The following RAG1 variants were observed in gnomAD, a reference collection of about 807,000 sequenced individuals.
The protein encoded by RAG1 is recombination activating 1, also known as V(D)J recombination-activating protein 1.
A neutral mutation model predicts 62.7 loss-of-function variants in RAG1; 35 were observed. That is an observed-to-expected ratio of 0.56 (90% CI 0.43 to 0.74). The LOEUF (loss-of-function observed/expected upper bound fraction) is 0.74. Ranked by LOEUF, RAG1 falls within the 30% of genes least tolerant of loss-of-function variation. RAG1 has a pLI of 0.00. For missense variants in RAG1, 1,169 were observed against 1,278.6 expected (o/e 0.91, Z 1.31); for synonymous variants, 461 against 470.3 (o/e 0.98, Z 0.26).
Position 36,575,554 on chromosome 11 carries a change from C to A in RAG1, c.2250C>A (p.Thr750=), listed in dbSNP as rs751115703. The stretch of plus-strand genomic sequence containing the variant: ...AAAATCTTGTCTTCCACTCTATAAC[C>A]AGAAGCCATGCTGAGAACCTGGAAC... ...ASQNLVFHSI[T]RSHAENLERY... Residue 750 remains threonine, a synonymous_variant, in exon 2 of 2, where the codon ACC becomes ACA. Transcript: ENST00000299440. The surrounding 1 kb of genome is among the most constrained non-coding windows in gnomAD (Gnocchi z 4.1). The A allele has an allele frequency of 2.5e-6, 4 of 1,614,202 alleles. No individual in the cohort carries two copies. The highest frequency in any genetic ancestry group is 1.1e-5 in the South Asian group (1 of 91,082).
chr11:36,566,166 C>T (rs1426033366), upstream of RAG1, among the ~76,000 whole-genome samples: 1 of 151,964 alleles, frequency 6.6e-6, no homozygotes, highest in African/African-American at 2.4e-5. Context: ...TCCATTTGAC[C>T]AGCTTACTTT....
At chr11:36,561,006 C>T (rs1252279881) in intron 3 of RAG1, among the ~76,000 whole-genome samples, 1 of 152,174 alleles carries the variant, frequency 6.6e-6, no homozygotes, top group Admixed American at 6.5e-5. Flanking sequence ...TCTAGGCAGC[C>T]ATCTTGTTGA....
At chr11:36,544,339 G>A (rs369049769) in intron 3 of RAG1, among the ~76,000 whole-genome samples, 20 of 152,292 alleles carry the variant, frequency 1.3e-4, no homozygotes, top group African/African-American at 4.3e-4. Flanking sequence ...GATTGGAGTG[G>A]TGTAGCCACT....
intron 1 of RAG1, among the ~76,000 whole-genome samples, chr11:36,568,655 T>C (rs1850694235): frequency 6.6e-6 from 1 of 152,238 alleles, no homozygotes; most frequent in South Asian, 2.1e-4. Flanking sequence ...CCAGACTCTT[T>C]GGGACCTGAT....
At chr11:36,543,017 T>C (rs1850332552) in intron 3 of RAG1, among the ~76,000 whole-genome samples, 1 of 152,208 alleles carries the variant, frequency 6.6e-6, no homozygotes, top group Admixed American at 6.5e-5. Flanking sequence ...AATCAGTGCC[T>C]CGTTTTCTCT....
chr11:36,532,815 G>C (rs949208488), intron 2 of RAG1, among the ~76,000 whole-genome samples: 7 of 152,082 alleles, frequency 4.6e-5, no homozygotes, highest in African/African-American at 1.4e-4. Flanking sequence ...GAGAGAGAGA[G>C]AGACAGACAG....
At chr11:36,517,253 A>AT (rs1860008680) in intron 1 of RAG1, among the ~76,000 whole-genome samples, 1 of 152,240 alleles carries the variant, frequency 6.6e-6, no homozygotes, top group African/African-American at 2.4e-5. Context: ...ATTTTCAATA[A>AT]TTGCATATTT....
downstream of RAG1, among the ~76,000 whole-genome samples, chr11:36,540,879 G>T (rs892256625): frequency 3.3e-5 from 5 of 151,982 alleles, no homozygotes; most frequent in South Asian, 2.1e-4. Context: ...ACAGTTCATT[G>T]GTTTAAATCC....
At chr11:36,547,270 A>T (rs888981309) in intron 3 of RAG1, among the ~76,000 whole-genome samples, 2 of 152,202 alleles carry the variant, frequency 1.3e-5, no homozygotes, top group East Asian at 3.8e-4. Context: ...ACAAGAAATA[A>T]CTAAGATCAG....
chr11:36,512,336 C>T (rs1359807164), intron 1 of RAG1, among the ~76,000 whole-genome samples: 2 of 152,208 alleles, frequency 1.3e-5, no homozygotes, highest in Non-Finnish European at 2.9e-5. Context: ...GTATGAAGGG[C>T]AGTTGCCTTG....
intron 3 of RAG1, among the ~76,000 whole-genome samples, chr11:36,545,507 T>G (rs1736494985): frequency 6.6e-6 from 1 of 152,168 alleles, no homozygotes; most frequent in Non-Finnish European, 1.5e-5. Flanking sequence ...CTCCTGACAC[T>G]GTGACCTCCA....
rs1380944811 is a variant in RAG1 at position 36,550,847 on chromosome 11, A to G, written c.-411-12538A>G. Among the ~76,000 whole-genome samples, 8 of 152,108 alleles carry G rather than the reference A, an allele frequency of 5.3e-5. No homozygotes were observed. The East Asian group carries it at 1.3e-3, about 26-fold the overall frequency. The stretch of plus-strand genomic sequence containing the variant: ...AAAGTGTCCTTTCTCTCTATTGTTC[A>G]TATCAATCCCACAGAAGTACTCTGC... On this transcript the variant is annotated intron_variant and NMD_transcript_variant, in intron 3 of 9. Coordinates refer to the RAG1 transcript ENST00000534663.
At chr11:36,571,607 T>C (rs1177784398) in intron 1 of RAG1, among the ~76,000 whole-genome samples, 4 of 152,194 alleles carry the variant, frequency 2.6e-5, no homozygotes, top group African/African-American at 7.2e-5. Flanking sequence ...TTAATTTTTA[T>C]GAAAAACGCC....
At position 36,576,725 on chromosome 11, in the gene RAG1, T is replaced by C. The variant is rs1850858566; in HGVS notation, c.*289T>C. On this transcript the variant is annotated 3_prime_UTR_variant, in exon 2 of 2. Transcript: ENST00000299440. The stretch of plus-strand genomic sequence containing the variant: ...GGGACCAGAGATGAGCAAAGATCTG[T>C]GTGTGTTGGGGAGCTGTCATGTAAA... 3 of 434,828 alleles carry C rather than the reference T, an allele frequency of 6.9e-6. No homozygotes were observed. Among genetic ancestry groups the C allele is most frequent in the Non-Finnish European group, 1.3e-5 (3 of 228,192 alleles). 26.9% of individuals were successfully genotyped at this position (434,828 alleles called of 1,614,324 possible).
At position 36,574,195 on chromosome 11, in the gene RAG1, A is replaced by G; in HGVS notation, c.891A>G (p.Glu297=). 6.2e-7 allele frequency: 1 copy of G among 1,614,164 alleles called. No homozygotes were observed. Among genetic ancestry groups the G allele is most frequent in the Non-Finnish European group, 8.5e-7 (1 of 1,180,020 alleles). The change falls in exon 2 of 2, where the codon GAA becomes GAG. Residue 297 remains glutamate (E), a synonymous_variant. Coordinates refer to ENST00000299440, the MANE Select transcript of RAG1 (RefSeq NM_000448.3). The part of the protein sequence containing the change: ...FVKSISCQIC[E]HILADPVETN... ...AATCCATCTCCTGCCAGATCTGTGAACACATTCTGGCTGACCCTGTGGAGA... is the reference window on the plus strand; with the variant it reads ...AATCCATCTCCTGCCAGATCTGTGAGCACATTCTGGCTGACCCTGTGGAGA...
rs1850794052 is a variant in RAG1, at chr11:36,574,049, C to T, written c.745C>T (p.His249Tyr). Reference sequence around the variant, plus strand: ...TGACCAAGCAAGACAAGCCCGTCAGCACAAGAGAAGAGCTCAGGCAAGGAT... The same window carrying T: ...TGACCAAGCAAGACAAGCCCGTCAGTACAAGAGAAGAGCTCAGGCAAGGAT... ...VLDQARQARQ[H>Y]KRRAQARISS... is the part of the protein sequence containing the mutation. Residue 249 changes from histidine to tyrosine, a missense_variant, in exon 2 of 2, where the codon CAC becomes TAC. Transcript: ENST00000299440. 1 of 1,614,096 alleles carries T rather than the reference C, an allele frequency of 6.2e-7. No homozygotes were observed. Among genetic ancestry groups the T allele is most frequent in the Non-Finnish European group, 8.5e-7 (1 of 1,180,032 alleles).
chr11:36,576,512 C>A lies in RAG1; in HGVS notation c.*76C>A. 1.3e-6 allele frequency: 2 copies of A among 1,536,146 alleles called. No homozygotes were observed. Among genetic ancestry groups the A allele is most frequent in the East Asian group, 4.5e-5 (2 of 44,420 alleles). ...TTGCATTGAGGGCTTCTCCTAGCAC[C>A]CTTTACTGCTGTGTATGGGGCTTCA... On this transcript the variant is annotated 3_prime_UTR_variant, in exon 2 of 2. Transcript: ENST00000299440.
At chr11:36,540,440 T>A (rs1390098825), downstream of RAG1, among the ~76,000 whole-genome samples, 1 of 152,210 alleles carries the variant, frequency 6.6e-6, no homozygotes, top group Admixed American at 6.5e-5. Flanking sequence ...AGCCTCTCTC[T>A]GTCATCCAGG....
chr11:36,561,463 T>G (rs115776809), intron 3 of RAG1, among the ~76,000 whole-genome samples: 4,150 of 152,300 alleles, frequency 0.027, 189 homozygotes, highest in African/African-American at 0.09. Flanking sequence ...TAATTTTTTT[T>G]TGTGTCAATA....
Sources: allele counts gnomAD v4.1 joint callset (sites outside exome capture counted in the v4.1 genomes callset), GRCh38; gene constraint gnomAD v4.1.1; non-coding constraint Gnocchi (gnomAD v3.1); transcripts MANE v1.5; gene names NCBI Gene and HGNC (gene_info 2026-07-23, HGNC 2026-07-21).